ITGA8: variants seen among roughly 807,000 people sequenced by gnomAD.
ITGA8 encodes the protein integrin alpha-8.
ITGA8 carries 91 observed loss-of-function variants against 142.3 expected under a neutral mutation model. The ratio of observed to expected loss-of-function variants is 0.64; its 90% confidence interval spans 0.54 to 0.76. ITGA8 has a LOEUF of 0.76. ITGA8 is among the 30% of genes least tolerant of loss of function. The pLI is 0.00. For synonymous variants in ITGA8, 505 were observed against 485.2 expected (o/e 1.04, Z -0.54); for missense variants, 1,406 against 1,327.7 (o/e 1.06, Z -0.92).
intron 2 of ITGA8, among the ~76,000 whole-genome samples, chr10:15,708,285 A>G (rs1835298645): frequency 6.6e-6 from 1 of 152,208 alleles, no homozygotes; most frequent in South Asian, 2.1e-4. Flanking sequence ...CACCTGAGGA[A>G]CCAGAGTGAA....
chr10:15,663,269 A>T lies in ITGA8; in HGVS notation c.848-2347T>A, dbSNP rs1487005078. On this transcript the variant is annotated intron_variant, in intron 8 of 29. Transcript: ENST00000378076. Reference sequence around the variant, plus strand: ...CTTTTATTTTAGATATCCTCAAAACACTTAAAACACAATCCATTTTCAGAT... The same window carrying T: ...CTTTTATTTTAGATATCCTCAAAACTCTTAAAACACAATCCATTTTCAGAT... Among the ~76,000 whole-genome samples, 5 of 152,172 alleles carry T rather than the reference A, an allele frequency of 3.3e-5. No individual in the cohort carries two copies. The East Asian group carries it at 9.6e-4, about 29-fold the overall frequency.
intron 27 of ITGA8, among the ~76,000 whole-genome samples, chr10:15,545,806 CT>C (rs1377918654): frequency 6.6e-6 from 1 of 151,950 alleles, no homozygotes; most frequent in African/African-American, 2.4e-5. Flanking sequence ...TGTAGTATTG[CT>C]TTGTTAGAGT....
intron 22 of ITGA8, among the ~76,000 whole-genome samples, chr10:15,591,585 C>T (rs925247002): frequency 6.2e-4 from 95 of 152,178 alleles, no homozygotes; most frequent in African/African-American, 2.3e-3. Flanking sequence ...TTCAGGTCTT[C>T]CTGTTCACGA....
intron 11 of ITGA8, among the ~76,000 whole-genome samples, chr10:15,651,737 C>T (rs553607667): frequency 6.6e-6 from 1 of 152,034 alleles, no homozygotes; most frequent in African/African-American, 2.4e-5. Flanking sequence ...CACTTCTGAA[C>T]CATGAGCAAT....
At position 15,587,541 on chromosome 10, in the gene ITGA8, C is replaced by G. The variant is rs929371757; in HGVS notation, c.2292-877G>C. ...GTTAGTATTAAAATAAGCATATATT[C>G]ACTGCATACTCACCAGCTAACTAGG... On this transcript the variant is annotated intron_variant, in intron 22 of 29. Coordinates refer to ENST00000378076, the MANE Select transcript of ITGA8 (RefSeq NM_003638.3). Among the ~76,000 whole-genome samples the G allele has an allele frequency of 2.0e-5, 3 of 152,146 alleles. No homozygotes were observed. The South Asian group carries it at 6.2e-4, about 32-fold the overall frequency.
intron 13 of ITGA8, among the ~76,000 whole-genome samples, chr10:15,636,287 A>G (rs745897292): frequency 2.6e-5 from 4 of 152,224 alleles, no homozygotes; most frequent in Admixed American, 6.5e-5. Context: ...CTTTCACTCA[A>G]TTAATGTATG....
intron 24 of ITGA8, 22 bp from the exon 25 acceptor site, chr10:15,572,391 T>C (rs757338207): frequency 6.2e-7 from 1 of 1,611,106 alleles, no homozygotes; most frequent in Non-Finnish European, 8.5e-7. Context: ...TGACATGTTA[T>C]CTAATGACCC....
In ITGA8 at chr10:15,523,781, A is replaced by C. The variant is rs148871482; in HGVS notation, c.2983-4369T>G. ...CAAAAAAAAAAAAAAAAAAAATTAG[A>C]CAGTTGTGGTGGTGGTGGTGCATAC... On this transcript the variant is annotated intron_variant, in intron 28 of 29. Transcript: ENST00000378076. 7.5e-3 allele frequency among the ~76,000 whole-genome samples: 1,059 copies of C among 140,366 alleles called. 11 individuals carry two copies. The highest frequency in any genetic ancestry group is 0.028 in the African/African-American group (1,024 of 37,010). 92.1% of individuals were successfully genotyped at this position (140,366 alleles called of 152,430 possible).
intron 9 of ITGA8, among the ~76,000 whole-genome samples, chr10:15,659,805 G>T (rs9333121): frequency 0.011 from 1,734 of 152,288 alleles, 26 homozygotes; most frequent in African/African-American, 0.038. Flanking sequence ...GAGGATGGAG[G>T]CAGAGACTGG....
At chr10:15,653,274 C>G (rs957307194) in intron 11 of ITGA8, among the ~76,000 whole-genome samples, 1 of 152,172 alleles carries the variant, frequency 6.6e-6, no homozygotes, top group Non-Finnish European at 1.5e-5. Flanking sequence ...CATGATCTAC[C>G]CAGTTGGGGA....
intron 13 of ITGA8, among the ~76,000 whole-genome samples, chr10:15,631,438 T>C (rs1328780083): frequency 4.6e-5 from 7 of 151,786 alleles, no homozygotes; most frequent in African/African-American, 7.3e-5. Flanking sequence ...AAGCTGGAAG[T>C]CATCATTCCT....
At chr10:15,710,794 A>G (rs1252973505) in intron 2 of ITGA8, among the ~76,000 whole-genome samples, 1 of 152,182 alleles carries the variant, frequency 6.6e-6, no homozygotes, top group Non-Finnish European at 1.5e-5. Flanking sequence ...ATTGGCTTCC[A>G]CTGCTGTACC....
intron 25 of ITGA8, among the ~76,000 whole-genome samples, chr10:15,566,269 C>G (rs1834078536): frequency 6.6e-6 from 1 of 152,044 alleles, no homozygotes; most frequent in African/African-American, 2.4e-5. Context: ...ACGGCTCTCA[C>G]AGCAGTTTTT....
intron 20 of ITGA8, among the ~76,000 whole-genome samples, chr10:15,603,266 C>T (rs1346051087): frequency 6.6e-6 from 1 of 152,156 alleles, no homozygotes; most frequent in African/African-American, 2.4e-5. Flanking sequence ...AGTTTGTTAA[C>T]ATCTGTTTAG....
intron 15 of ITGA8, among the ~76,000 whole-genome samples, chr10:15,611,011 C>T (rs1277712421): frequency 6.6e-6 from 1 of 152,146 alleles, no homozygotes; most frequent in Non-Finnish European, 1.5e-5. Context: ...TATAAAACTA[C>T]ACCGCTGTTT....
At chr10:15,674,897 A>T (rs1834597319) in intron 6 of ITGA8, among the ~76,000 whole-genome samples, 1 of 151,670 alleles carries the variant, frequency 6.6e-6, no homozygotes, top group Non-Finnish European at 1.5e-5. Flanking sequence ...CCAAGATCAC[A>T]CTACTGTACT....
Position 15,519,353 on chromosome 10 carries a change from T to C in ITGA8, c.3042A>G (p.Val1014=), listed in dbSNP as rs1229966313. The C allele has an allele frequency of 6.2e-7, 1 of 1,613,544 alleles. No individual in the cohort carries two copies. The highest frequency in any genetic ancestry group is 8.5e-7 in the Non-Finnish European group (1 of 1,179,570). Residue 1014 remains valine, a synonymous_variant, in exon 29 of 30, where the codon GTA becomes GTG. Coordinates refer to ENST00000378076, the MANE Select transcript of ITGA8 (RefSeq NM_003638.3). ...ATCCAAGAAGTATTGCTAGTATTAT[T>C]ACCCATAATGGGATTGAGAAGGAAA... ...PNVSFSIPLW[V]IILAILLGLL...
intron 12 of ITGA8, among the ~76,000 whole-genome samples, chr10:15,645,008 C>T (rs1340605666): frequency 7.2e-6 from 1 of 138,972 alleles, no homozygotes; most frequent in African/African-American, 2.7e-5. Context: ...CAGAGAATTG[C>T]TTGAACCTGG....
intron 13 of ITGA8, among the ~76,000 whole-genome samples, chr10:15,640,653 G>C (rs1833854561): frequency 6.6e-6 from 1 of 152,154 alleles, no homozygotes; most frequent in South Asian, 2.1e-4. Flanking sequence ...TCAGGGGCTG[G>C]AGCAATGAGA....
Sources: allele counts gnomAD v4.1 joint callset (sites outside exome capture counted in the v4.1 genomes callset), GRCh38; gene constraint gnomAD v4.1.1; transcripts MANE v1.5; gene names NCBI Gene and HGNC (gene_info 2026-07-23, HGNC 2026-07-21).